The following SRPK2 variants were observed in gnomAD, a reference collection of about 807,000 sequenced individuals.
The protein encoded by SRPK2 is SRSF protein kinase 2.
Under a neutral mutation model 90.8 loss-of-function variants are expected in SRPK2, and 21 were observed. The observed-to-expected ratio is 0.23, with a 90% CI of 0.16 to 0.33. The LOEUF (loss-of-function observed/expected upper bound fraction) is 0.33. SRPK2 is among the 10% of genes least tolerant of loss of function. The pLI is 1.00. For missense variants in SRPK2, 620 were observed against 869.0 expected (o/e 0.71, Z 3.60); for synonymous variants, 288 against 311.1 (o/e 0.93, Z 0.78).
At chr7:105,347,447 T>C (rs1160860479) in intron 2 of SRPK2, among the ~76,000 whole-genome samples, 1 of 151,824 alleles carries the variant, frequency 6.6e-6, no homozygotes, top group Non-Finnish European at 1.5e-5. Flanking sequence ...CCTCACCCTC[T>C]CAAAGTGCTG....
At position 105,302,549 on chromosome 7, in the gene SRPK2, T is replaced by C. The variant is rs369493907; in HGVS notation, c.71+86099A>G. Among the ~76,000 whole-genome samples, 531 of 152,372 alleles carry C rather than the reference T, an allele frequency of 3.5e-3. 5 individuals are homozygous for C. Among genetic ancestry groups the C allele is most frequent in the Non-Finnish European group, 6.2e-3 (425 of 68,044 alleles). On this transcript the variant is annotated intron_variant, in intron 2 of 15. Coordinates refer to ENST00000393651, the MANE Select transcript of SRPK2 (RefSeq NM_182692.3). ...TTCATCTCTTCTTTTGCTTAATTAC[T>C]GAACCGTAAATTGCTTCAGAGAAAT...
chr7:105,258,495 C>T (rs1207609137), intron 2 of SRPK2, among the ~76,000 whole-genome samples: 1 of 150,904 alleles, frequency 6.6e-6, no homozygotes, highest in African/African-American at 2.4e-5. Flanking sequence ...AGGTGATACA[C>T]AAAATACTAA....
intron 2 of SRPK2, among the ~76,000 whole-genome samples, chr7:105,329,690 T>C (rs922413148): frequency 2.6e-5 from 4 of 152,000 alleles, no homozygotes; most frequent in Admixed American, 2.6e-4. Context: ...TTCAGCATTT[T>C]TCCCCATTTT....
chr7:105,351,898 CT>C (rs1817239193), intron 2 of SRPK2, among the ~76,000 whole-genome samples: 1 of 127,726 alleles, frequency 7.8e-6, no homozygotes, highest in African/African-American at 3.0e-5. Context: ...CTAAGACACC[CT>C]TATAATCCAC....
In SRPK2 at chr7:105,285,385, CAAAAAAAAAAAAA is replaced by C. The variant is rs58399129; in HGVS notation, c.72-81613_72-81601del. Reference sequence around the variant, plus strand: ...GGGCAACAGAGTGAGACCCCGTCTCCAAAAAAAAAAAAAAAAAAAAAAGGAAAAGGAAAAGAAA... The same window carrying C: ...GGGCAACAGAGTGAGACCCCGTCTCCAAAAAAAAAGGAAAAGGAAAAGAAA... On this transcript the variant is annotated intron_variant, in intron 2 of 15. Transcript: ENST00000393651. Among the ~76,000 whole-genome samples, 7 of 106,236 alleles carry C rather than the reference CAAAAAAAAAAAAA, an allele frequency of 6.6e-5. 1 individual carries two copies. The highest frequency in any genetic ancestry group is 1.1e-4 in the African/African-American group (3 of 27,586). 69.7% of individuals were successfully genotyped at this position (106,236 alleles called of 152,430 possible).
rs1273396547 is a variant in SRPK2, at chr7:105,341,373, AAAAAAAAAG to A, written c.71+47266_71+47274del. On this transcript the variant is annotated intron_variant, in intron 2 of 15. Coordinates refer to ENST00000393651, the MANE Select transcript of SRPK2 (RefSeq NM_182692.3). ...ACTCCGTCTCAAAAAAAAAAAAAAA[AAAAAAAAAG>A]GGGGAATGTGGCAGGACGCATACCT... Among the ~76,000 whole-genome samples, 8 of 50,882 alleles carry A rather than the reference AAAAAAAAAG, an allele frequency of 1.6e-4. No homozygotes were observed. In the South Asian group the frequency reaches 2.7e-3, roughly 17 times the overall value. 33.4% of individuals were successfully genotyped at this position (50,882 alleles called of 152,430 possible).
chr7:105,335,163 C>A (rs747917098), intron 2 of SRPK2, among the ~76,000 whole-genome samples: 19 of 152,126 alleles, frequency 1.2e-4, no homozygotes, highest in Admixed American at 2.6e-4. Context: ...AAGAGCAAGA[C>A]TCCGTCTCAA....
chr7:105,274,602 C>G (rs1220225105), intron 2 of SRPK2, among the ~76,000 whole-genome samples: 3 of 150,290 alleles, frequency 2.0e-5, no homozygotes, highest in African/African-American at 4.9e-5. Context: ...AGGGAGACCA[C>G]AGAGAGCCAT....
chr7:105,143,579 A>T, intron 9 of SRPK2: 1 of 498,684 alleles, frequency 2.0e-6, no homozygotes, highest in Non-Finnish European at 3.5e-6. Flanking sequence ...GCTTAAATCC[A>T]GTAAGTCTTC....
intron 2 of SRPK2, among the ~76,000 whole-genome samples, chr7:105,291,341 T>A (rs1297472688): frequency 2.6e-5 from 4 of 152,216 alleles, no homozygotes; most frequent in Non-Finnish European, 5.9e-5. Flanking sequence ...TTTTTCCTTA[T>A]TCTAAAGCCT....
chr7:105,212,068 T>C (rs151013196), intron 2 of SRPK2, among the ~76,000 whole-genome samples: 184 of 152,324 alleles, frequency 1.2e-3, no homozygotes, highest in African/African-American at 4.1e-3. Context: ...ATTAATTCCA[T>C]ATATTCTTTG....
chr7:105,367,347 C>T (rs999285012), intron 2 of SRPK2, among the ~76,000 whole-genome samples: 1 of 152,128 alleles, frequency 6.6e-6, no homozygotes, highest in Admixed American at 6.6e-5. Flanking sequence ...ACCGCAACCT[C>T]GGCCTCCTGG....
chr7:105,328,270 AC>A (rs1326487902), intron 2 of SRPK2, among the ~76,000 whole-genome samples: 1 of 152,110 alleles, frequency 6.6e-6, no homozygotes, highest in African/African-American at 2.4e-5. Flanking sequence ...TTTTTAAAGC[AC>A]TTTTTAAAGG....
intron 2 of SRPK2, among the ~76,000 whole-genome samples, chr7:105,261,065 C>G (rs1804201238): frequency 7.2e-6 from 1 of 139,696 alleles, no homozygotes; most frequent in Non-Finnish European, 1.6e-5. Context: ...CAAATGTGAC[C>G]AAAAAACACC....
intron 3 of SRPK2, among the ~76,000 whole-genome samples, chr7:105,174,056 G>T (rs1791509590): frequency 6.7e-6 from 1 of 148,664 alleles, no homozygotes; most frequent in African/African-American, 2.5e-5. Context: ...ACCAGCCTGG[G>T]CAGTACAGTG....
At chr7:105,341,609 T>G (rs1221993036) in intron 2 of SRPK2, among the ~76,000 whole-genome samples, 1 of 151,878 alleles carries the variant, frequency 6.6e-6, no homozygotes, top group Non-Finnish European at 1.5e-5. Flanking sequence ...GAGGCAGAGG[T>G]TGCAGTGAGC....
At chr7:105,215,504 G>A (rs1236776867) in intron 2 of SRPK2, among the ~76,000 whole-genome samples, 2 of 152,156 alleles carry the variant, frequency 1.3e-5, no homozygotes, top group East Asian at 3.8e-4. Context: ...CTGCAGAAAT[G>A]AAAACATGTC....
chr7:105,297,310 A>G (rs1809953542), intron 2 of SRPK2: 1 of 245,876 alleles, frequency 4.1e-6, no homozygotes, highest in Non-Finnish European at 6.5e-6. Flanking sequence ...ACACTGAATG[A>G]AGTGACACAG....
In SRPK2 at chr7:105,192,302, C is replaced by A. The variant is rs139512432; in HGVS notation, c.229+11326G>T. 6.4e-3 allele frequency among the ~76,000 whole-genome samples: 975 copies of A among 152,228 alleles called. 11 individuals are homozygous for A. The highest frequency in any genetic ancestry group is 9.6e-3 in the Non-Finnish European group (650 of 68,010). Reference sequence around the variant, plus strand: ...TAGCTCCCACTTATGAGTGAGAGAACATAGGATGTCTGGTCTTCCATTCCT... The same window carrying A: ...TAGCTCCCACTTATGAGTGAGAGAAAATAGGATGTCTGGTCTTCCATTCCT... On this transcript the variant is annotated intron_variant, in intron 3 of 15. Coordinates refer to ENST00000393651, the MANE Select transcript of SRPK2 (RefSeq NM_182692.3).
Sources: allele counts gnomAD v4.1 joint callset (sites outside exome capture counted in the v4.1 genomes callset), GRCh38; gene constraint gnomAD v4.1.1; transcripts MANE v1.5; gene names NCBI Gene and HGNC (gene_info 2026-07-23, HGNC 2026-07-21).